Variants in SEC31A observed in about 807,000 individuals in gnomAD.
SEC31A encodes the protein protein transport protein Sec31A.
Under a neutral mutation model 151.0 loss-of-function variants are expected in SEC31A, and 70 were observed. That is an observed-to-expected ratio of 0.46 (90% CI 0.38 to 0.57). The LOEUF is 0.57. Among genes scored for constraint, SEC31A ranks in the 20% least tolerant of loss-of-function variants. SEC31A has a pLI of 0.00. For synonymous variants in SEC31A, 475 were observed against 505.9 expected, an observed-to-expected ratio of 0.94 and a Z score of 0.82; for missense variants, 1,330 against 1,471.2, an observed-to-expected ratio of 0.90 and a Z score of 1.57.
At chr4:82,827,734 C>A in intron 23 of SEC31A, 102 bp from the exon 24 acceptor site, 2 of 1,174,308 alleles carry the variant, frequency 1.7e-6, no homozygotes, top group South Asian at 1.5e-5. Flanking sequence ...CACGGCTAAA[C>A]AAATTTTTTA....
In SEC31A at chr4:82,818,850, G is replaced by T; in HGVS notation, c.*224C>A. On this transcript the variant is annotated 3_prime_UTR_variant, in exon 27 of 27. Transcript: ENST00000395310. ...GTGTAATCCAGGAAATACACTATTT[G>T]CAGAATAGGAAAATCATCACTGGCA... The T allele has an allele frequency of 5.4e-6, 2 of 369,898 alleles. No individual in the cohort carries two copies. The highest frequency in any genetic ancestry group is 8.1e-5 in the East Asian group (2 of 24,646). 22.9% of individuals were successfully genotyped at this position (369,898 alleles called of 1,614,324 possible). A position where few individuals can be genotyped will look rare whatever the true frequency, so the allele number is the denominator to read the frequency against.
intron 4 of SEC31A, among the ~76,000 whole-genome samples, chr4:82,876,617 TC>T (rs552304093): frequency 7.0e-4 from 107 of 152,346 alleles, no homozygotes; most frequent in Non-Finnish European, 1.2e-3. Context: ...AAATCTCTTG[TC>T]ATAACTCTTC....
At chr4:82,870,098 T>C (rs891684046) in intron 8 of SEC31A, among the ~76,000 whole-genome samples, 1 of 152,186 alleles carries the variant, frequency 6.6e-6, no homozygotes, top group African/African-American at 2.4e-5. Context: ...GAGGAGGGGA[T>C]GGTTACTAGT....
Position 82,878,821 on chromosome 4 carries a change from G to A in SEC31A, c.311C>T (p.Ser104Phe). The change falls in exon 4 of 27, where the codon TCT (serine) becomes TTT (phenylalanine). Residue 104 changes from serine to phenylalanine, a missense_variant. By Grantham distance (155) the Ser-to-Phe change is radical. Coordinates refer to ENST00000395310, the MANE Select transcript of SEC31A (RefSeq NM_001077207.4). Reference sequence around the variant, plus strand: ...TTCCTTGTCTCCAGCTATAATTTTAGAAGGATCATAGAGAATAATATTTCC... The same window carrying A: ...TTCCTTGTCTCCAGCTATAATTTTAAAAGGATCATAGAGAATAATATTTCC... Reference protein sequence around the residue: ...ENGNIILYDPSKIIAGDKEVV... With the variant: ...ENGNIILYDPFKIIAGDKEVV... The A allele has an allele frequency of 6.2e-7, 1 of 1,613,908 alleles. No homozygotes were observed. The highest frequency in any genetic ancestry group is 8.5e-7 in the Non-Finnish European group (1 of 1,179,824).
At chr4:82,896,163 GAA>G (rs1388876124), upstream of SEC31A, among the ~76,000 whole-genome samples, 2 of 152,334 alleles carry the variant, frequency 1.3e-5, no homozygotes, top group African/African-American at 4.8e-5. Context: ...TAAAAAGCCA[GAA>G]GTCTGTATCT....
intron 12 of SEC31A, among the ~76,000 whole-genome samples, chr4:82,863,039 A>C (rs1734532992): frequency 6.6e-6 from 1 of 152,260 alleles, no homozygotes; most frequent in South Asian, 2.1e-4. Context: ...CCACACATGC[A>C]ACAACCTGCA....
chr4:82,892,738 G>A (rs571057458), upstream of SEC31A, among the ~76,000 whole-genome samples: 54 of 137,474 alleles, frequency 3.9e-4, no homozygotes, highest in South Asian at 7.0e-3. Flanking sequence ...CTTTTTTTTG[G>A]GGGGGGGGGC....
At chr4:82,898,374 T>A (rs1720152539) in intron 3 of SEC31A, among the ~76,000 whole-genome samples, 1 of 152,368 alleles carries the variant, frequency 6.6e-6, no homozygotes, top group Non-Finnish European at 1.5e-5. Flanking sequence ...AAATTCCATC[T>A]ATAAAGGATT....
In SEC31A at chr4:82,881,956, T is replaced by C. The variant is rs764080808; in HGVS notation, c.-4-16A>G. Reference sequence around the variant, plus strand: ...CTTCATCCTGCTAAAGGGAATATTTTATACAGAAACAGCCTTGAATGACTT... The same window carrying C: ...CTTCATCCTGCTAAAGGGAATATTTCATACAGAAACAGCCTTGAATGACTT... On this transcript the variant is annotated splice_polypyrimidine_tract_variant and intron_variant, in intron 1 of 26. Coordinates refer to ENST00000395310, the MANE Select transcript of SEC31A (RefSeq NM_001077207.4). 1.9e-4 allele frequency: 303 copies of C among 1,601,428 alleles called. 1 individual carries two copies. In the South Asian group the frequency reaches 2.0e-3, roughly 11 times the overall value.
At chr4:82,880,358 G>A (rs974418163) in intron 3 of SEC31A, among the ~76,000 whole-genome samples, 1 of 152,148 alleles carries the variant, frequency 6.6e-6, no homozygotes, top group African/African-American at 2.4e-5. Flanking sequence ...GGGAGGCTAA[G>A]GTGGGTGGAT....
intron 22 of SEC31A, among the ~76,000 whole-genome samples, chr4:82,836,678 C>T (rs983179887): frequency 1.3e-5 from 2 of 151,978 alleles, no homozygotes; most frequent in African/African-American, 4.8e-5. Flanking sequence ...TACATAGAGA[C>T]AGAAAGTAGA....
At chr4:82,882,067 A>C in intron 1 of SEC31A, 127 bp from the exon 2 acceptor site, 1 of 730,574 alleles carries the variant, frequency 1.4e-6, no homozygotes, top group Non-Finnish European at 2.4e-6. Flanking sequence ...ACTGCAAATA[A>C]ATCAAATCGG....
At chr4:82,836,343 A>T (rs1194130802) in intron 22 of SEC31A, among the ~76,000 whole-genome samples, 3 of 144,496 alleles carry the variant, frequency 2.1e-5, no homozygotes, top group Non-Finnish European at 4.5e-5. Context: ...ACTGCACTCC[A>T]GCCTGGGCAA....
At chr4:82,824,812 G>A in intron 24 of SEC31A, 138 bp from the exon 25 acceptor site, 1 of 928,154 alleles carries the variant, frequency 1.1e-6, no homozygotes, top group Non-Finnish European at 1.5e-6. Flanking sequence ...TTTAATGTGT[G>A]AAATCACTTA....
chr4:82,857,695 T>G lies in SEC31A; in HGVS notation c.1696A>C (p.Ser566Arg). The G allele has an allele frequency of 6.3e-7, 1 of 1,580,370 alleles. No individual in the cohort carries two copies. Among genetic ancestry groups the G allele is most frequent in the South Asian group, 1.1e-5 (1 of 90,266 alleles). ...SSGGTFNISVSGDIDGLITQA... is the reference protein window; with the variant it reads ...SSGGTFNISVRGDIDGLITQA... ...AAAACCAACAAGTACTTACCCCCAC[T>G]GACAGAGATATTAAATGTTCCTCCA... is the stretch of plus-strand genomic sequence containing the variant. Residue 566 changes from serine (S) to arginine (R), a missense_variant, in exon 15 of 27, where the codon AGT (serine) becomes CGT (arginine). Coordinates refer to ENST00000395310, the MANE Select transcript of SEC31A (RefSeq NM_001077207.4).
chr4:82,822,575 C>G (rs10471049), intron 25 of SEC31A, among the ~76,000 whole-genome samples: 66,109 of 152,038 alleles, frequency 0.43, 17,691 homozygotes, highest in Admixed American at 0.58. Flanking sequence ...TTACTTTGTG[C>G]TGTTTAGACA....
intron 22 of SEC31A, among the ~76,000 whole-genome samples, chr4:82,829,676 G>GT (rs1174354455): frequency 1.3e-5 from 2 of 151,654 alleles, no homozygotes; most frequent in African/African-American, 4.8e-5. Context: ...TTTTAATGCC[G>GT]TAAAAAAAAA....
intron 14 of SEC31A, among the ~76,000 whole-genome samples, chr4:82,860,629 C>T (rs1202652144): frequency 2.1e-5 from 3 of 146,128 alleles, no homozygotes; most frequent in Admixed American, 7.2e-5. Context: ...TGTGCCACCA[C>T]GCCTGGCTAA....
chr4:82,887,206 T>TA (rs752493295), intron 1 of SEC31A, among the ~76,000 whole-genome samples: 31 of 152,270 alleles, frequency 2.0e-4, no homozygotes, highest in Non-Finnish European at 3.8e-4. Flanking sequence ...GGAATACAAT[T>TA]ATAGTATTTC....
Sources: gnomAD v4.1 joint callset for allele counts (sites outside exome capture counted in the v4.1 genomes callset) on GRCh38, gnomAD v4.1.1 for gene constraint, MANE v1.5 for transcripts, NCBI Gene and HGNC (gene_info 2026-07-23, HGNC 2026-07-21) for gene names.